The following SRRM4 variants were observed in gnomAD, a reference collection of about 807,000 sequenced individuals.
The protein encoded by SRRM4 is serine/arginine repetitive matrix protein 4.
Under a neutral mutation model 68.9 loss-of-function variants are expected in SRRM4, and 33 were observed. That is an observed-to-expected ratio of 0.48 (90% confidence interval 0.36 to 0.64). The LOEUF is 0.64. Ranked by LOEUF, SRRM4 falls within the 30% of genes least tolerant of loss-of-function variation. The pLI, the probability that SRRM4 is intolerant of heterozygous loss-of-function variation, is 0.00. For missense variants in SRRM4, 817 were observed against 827.1 expected (o/e 0.99, Z 0.15); for synonymous variants, 318 against 318.8 (o/e 1.00, Z 0.03).
At chr12:119,095,320 T>C (rs1462370013) in intron 1 of SRRM4, among the ~76,000 whole-genome samples, 1 of 152,154 alleles carries the variant, frequency 6.6e-6, no homozygotes, top group Non-Finnish European at 1.5e-5. Flanking sequence ...AGTCTAGGCC[T>C]ACATTCTCTA....
At chr12:119,125,309 T>G in intron 6 of SRRM4, 72 bp from the exon 7 acceptor site, 7 of 1,392,956 alleles carry the variant, frequency 5.0e-6, no homozygotes, top group African/African-American at 1.4e-5. Flanking sequence ...TGTCACAAGA[T>G]CAAATCTCTC....
At position 119,160,424 on chromosome 12, in the gene SRRM4, C is replaced by G. The variant is rs1954505653; in HGVS notation, c.*3626C>G. 6.6e-6 allele frequency: 1 copy of G among 152,174 alleles called. No individual in the cohort carries two copies. The highest frequency in any genetic ancestry group is 6.6e-5 in the Admixed American group (1 of 15,264). The allele number at this position is 152,174 out of a possible 1,614,324, so 9.4% of individuals were successfully genotyped here. A position where few individuals can be genotyped will look rare whatever the true frequency, so the allele number is the denominator to read the frequency against. Reference sequence around the variant, plus strand: ...CCCTGATTAACCAGAACCTCCCATTCCCAGTATCGCTGTTCCTACGCCCAT... The same window carrying G: ...CCCTGATTAACCAGAACCTCCCATTGCCAGTATCGCTGTTCCTACGCCCAT... On this transcript the variant is annotated 3_prime_UTR_variant, in exon 13 of 13. Transcript: ENST00000267260.
chr12:119,039,942 C>G (rs1413957281), intron 1 of SRRM4, among the ~76,000 whole-genome samples: 1 of 152,088 alleles, frequency 6.6e-6, no homozygotes, highest in Non-Finnish European at 1.5e-5. Context: ...ACCAATAAAG[C>G]CTGTCCCAAC....
rs140861808 is a variant in SRRM4 at position 119,151,213 on chromosome 12, GA to G, written c.1279del (p.Arg427GlyfsTer67). On this transcript the variant is annotated frameshift_variant, in exon 10 of 13. Coordinates refer to ENST00000267260, the MANE Select transcript of SRRM4 (RefSeq NM_194286.4). LOFTEE classifies it high-confidence loss of function. ...RYTQSRSTSS[E>X]KRSYSRSPSY... ...CACCCAAAGCCGATCCACCTCTTCT[GA>G]AAAAAGGTGAGTGTGGTTTTGACCT... is the stretch of plus-strand genomic sequence containing the variant. The G allele has an allele frequency of 6.2e-7, 1 of 1,613,512 alleles. No individual in the cohort carries two copies. Among genetic ancestry groups the G allele is most frequent in the Non-Finnish European group, 8.5e-7 (1 of 1,179,618 alleles).
rs544470432 is a variant in SRRM4, at chr12:118,982,752, G to A, written c.131+739G>A. Among the ~76,000 whole-genome samples the A allele has an allele frequency of 3.3e-5, 5 of 150,246 alleles. No individual in the cohort carries two copies. The East Asian group carries it at 9.8e-4, about 29-fold the overall frequency. Reference sequence around the variant, plus strand: ...GATGAGAACCGATCCTTGGATGGTGGTAGACATGGTGCTGATGGAAGGAAG... The same window carrying A: ...GATGAGAACCGATCCTTGGATGGTGATAGACATGGTGCTGATGGAAGGAAG... On this transcript the variant is annotated intron_variant, in intron 1 of 12. Transcript: ENST00000267260.
intron 8 of SRRM4, among the ~76,000 whole-genome samples, chr12:119,137,820 G>A (rs958824319): frequency 6.6e-6 from 1 of 152,164 alleles, no homozygotes; most frequent in African/African-American, 2.4e-5. Flanking sequence ...TCTGATGTCT[G>A]GATATGGTTT....
chr12:119,153,373 C>T (rs535492810), intron 10 of SRRM4, among the ~76,000 whole-genome samples, 166 bp from the exon 11 acceptor site: 2 of 151,860 alleles, frequency 1.3e-5, no homozygotes, highest in East Asian at 3.9e-4. Flanking sequence ...TATTAACCAC[C>T]GGTGGGGAGG....
chr12:119,066,693 C>G (rs1321039659), intron 1 of SRRM4, among the ~76,000 whole-genome samples: 1 of 152,200 alleles, frequency 6.6e-6, no homozygotes, highest in Admixed American at 6.5e-5. Flanking sequence ...GTCTACAGCC[C>G]TTCACCTGAT....
At chr12:119,118,884 T>C (rs1332854025) in intron 4 of SRRM4, among the ~76,000 whole-genome samples, 1 of 152,076 alleles carries the variant, frequency 6.6e-6, no homozygotes, top group Non-Finnish European at 1.5e-5. Flanking sequence ...GGGGTTCATA[T>C]GAGGGAGATG....
intron 1 of SRRM4, among the ~76,000 whole-genome samples, chr12:119,029,129 G>A (rs886911259): frequency 1.3e-5 from 2 of 152,126 alleles, no homozygotes; most frequent in African/African-American, 2.4e-5. Context: ...GGATGGGTAG[G>A]CATTACACCA....
At chr12:119,024,503 A>C (rs1862799120) in intron 1 of SRRM4, among the ~76,000 whole-genome samples, 1 of 152,176 alleles carries the variant, frequency 6.6e-6, no homozygotes, top group South Asian at 2.1e-4. Flanking sequence ...CAACACACAC[A>C]CATAGAAGCC....
intron 1 of SRRM4, among the ~76,000 whole-genome samples, chr12:119,094,132 A>G (rs1407636307): frequency 1.3e-5 from 2 of 152,050 alleles, no homozygotes; most frequent in Non-Finnish European, 2.9e-5. Context: ...AAGCACACAC[A>G]CTCACACACA....
intron 1 of SRRM4, among the ~76,000 whole-genome samples, chr12:119,082,316 C>T (rs1953953862): frequency 6.6e-6 from 1 of 152,180 alleles, no homozygotes; most frequent in African/African-American, 2.4e-5. Flanking sequence ...CCCGCCTCCA[C>T]CACGCTGGCC....
intron 7 of SRRM4, among the ~76,000 whole-genome samples, chr12:119,128,488 C>T (rs1299557956): frequency 6.6e-6 from 1 of 152,174 alleles, no homozygotes; most frequent in African/African-American, 2.4e-5. Context: ...TTTTAACACC[C>T]CCTTACAGAG....
intron 1 of SRRM4, among the ~76,000 whole-genome samples, chr12:119,017,058 CTT>C (rs1314989485): frequency 6.6e-6 from 1 of 152,228 alleles, no homozygotes; most frequent in Non-Finnish European, 1.5e-5. Context: ...AAACAGCAAA[CTT>C]TAATATCCGC....
chr12:119,068,809 G>T (rs775115465), intron 1 of SRRM4, among the ~76,000 whole-genome samples: 1 of 152,146 alleles, frequency 6.6e-6, no homozygotes, highest in African/African-American at 2.4e-5. Context: ...GTGAGGCTTA[G>T]AAACAGAGAG....
chr12:119,152,018 C>T lies in SRRM4; in HGVS notation c.1280+798C>T, dbSNP rs1158024753. Among the ~76,000 whole-genome samples the T allele has an allele frequency of 2.0e-5, 3 of 152,144 alleles. No individual in the cohort carries two copies. The East Asian group carries it at 5.8e-4, about 29-fold the overall frequency. The stretch of plus-strand genomic sequence containing the variant: ...TTATGGCCATTTTTGCATTCTGCTA[C>T]CCAGTTTCAATAGCTATTGGTAATC... On this transcript the variant is annotated intron_variant, in intron 10 of 12. Transcript: ENST00000267260.
chr12:118,984,812 G>A (rs921847893), intron 1 of SRRM4, among the ~76,000 whole-genome samples: 1 of 152,128 alleles, frequency 6.6e-6, no homozygotes, highest in Non-Finnish European at 1.5e-5. Context: ...AGAGCAGAGT[G>A]GGAAGCAGTA....
At chr12:119,066,811 C>T (rs1236501119) in intron 1 of SRRM4, among the ~76,000 whole-genome samples, 2 of 152,202 alleles carry the variant, frequency 1.3e-5, no homozygotes, top group East Asian at 1.9e-4. Flanking sequence ...TCTCTTGTCA[C>T]GACGATGAAT....
Sources: gnomAD v4.1 joint callset for allele counts (sites outside exome capture counted in the v4.1 genomes callset) on GRCh38, gnomAD v4.1.1 for gene constraint, MANE v1.5 for transcripts, NCBI Gene and HGNC (gene_info 2026-07-23, HGNC 2026-07-21) for gene names.